The following POLD1 variants were observed in gnomAD, a reference collection of about 807,000 sequenced individuals.
The protein encoded by POLD1 is DNA polymerase delta 1, catalytic subunit, also known as DNA polymerase delta catalytic subunit.
Under a neutral mutation model 129.7 loss-of-function variants are expected in POLD1, and 79 were observed. That is an observed-to-expected ratio of 0.61 (90% CI 0.51 to 0.73). POLD1 has a LOEUF of 0.73. Ranked by LOEUF, POLD1 falls within the 30% of genes least tolerant of loss-of-function variation. The probability of loss-of-function intolerance (pLI) is 0.00; values close to 1 mark genes in which losing one functional copy is unlikely to be tolerated. For missense variants in POLD1, 1,338 were observed against 1,595.8 expected (o/e 0.84, Z 2.75); for synonymous variants, 714 against 683.3 (o/e 1.04, Z -0.70).
In POLD1 at chr19:50,413,846, C is replaced by T. The variant is rs1060504353; in HGVS notation, c.2355C>T (p.His785=). The T allele has an allele frequency of 6.2e-7, 1 of 1,609,922 alleles. No individual in the cohort carries two copies. The highest frequency in any genetic ancestry group is 8.5e-7 in the Non-Finnish European group (1 of 1,178,066). Residue 785 remains histidine, a synonymous_variant, in exon 19 of 27, where the codon CAC becomes CAT. Transcript: ENST00000440232. ...GREAADWVSG[H]FPSPIRLEFE... Reference sequence around the variant, plus strand: ...AGGCCGCGGACTGGGTGTCAGGTCACTTCCCGTCGCCCATCCGGCTGGAGT... The same window carrying T: ...AGGCCGCGGACTGGGTGTCAGGTCATTTCCCGTCGCCCATCCGGCTGGAGT...
chr19:50,385,572 A>G (rs948126196), intron 1 of POLD1, among the ~76,000 whole-genome samples: 6 of 134,510 alleles, frequency 4.5e-5, no homozygotes, highest in African/African-American at 1.7e-4. Context: ...TCTGTCACCC[A>G]GGCTGGAATG....
rs1432730545 is a variant in POLD1, at chr19:50,417,007, C to T, written c.3068-38C>T. ...AGGGATGGGGTGGCCCAGTTCCTGG[C>T]TGGGCCCCAGCACTTGGGCTGACCC... On this transcript the variant is annotated intron_variant, in intron 24 of 26. Transcript: ENST00000440232. 2.6e-6 allele frequency: 4 copies of T among 1,539,308 alleles called. No individual in the cohort carries two copies. In the Admixed American group the frequency reaches 6.0e-5, roughly 23 times the overall value.
chr19:50,398,886 G>A lies in POLD1; in HGVS notation c.35G>A (p.Gly12Glu), dbSNP rs1389018181. 1 of 1,607,432 alleles carries A rather than the reference G, an allele frequency of 6.2e-7. No homozygotes were observed. Among genetic ancestry groups the A allele is most frequent in the Non-Finnish European group, 8.5e-7 (1 of 1,178,310 alleles). ...AAGCGGCGGCCAGGCCCAGGGCCCG[G>A]GGTGCCCCCAAAGCGGGCCCGTGGG... ...DGKRRPGPGP[G>E]VPPKRARGGL... Residue 12 changes from glycine to glutamate, a missense_variant, in exon 2 of 27, where the codon GGG becomes GAG. Around this residue, in one of 3 missense-constraint regions of POLD1, gnomAD observed 332 missense variants for 315.7 expected, o/e 1.05. Transcript: ENST00000440232.
At chr19:50,413,543 C>CA in intron 18 of POLD1, 22 bp downstream of exon 18, 1 of 1,588,796 alleles carries the variant, frequency 6.3e-7, no homozygotes, top group Non-Finnish European at 8.6e-7. Flanking sequence ...CCCACCGCTG[C>CA]CCTGAGATGG....
rs1429970226 is a variant in POLD1 at position 50,407,120 on chromosome 19, C to G, written c.1632C>G (p.Ser544Arg). Residue 544 changes from serine (S) to arginine (R), a missense_variant, in exon 13 of 27, where the codon AGC (serine) becomes AGG (arginine). Transcript: ENST00000440232. ...CGAGGGTCACTGGCGTGCCCCTCAG[C>G]TACCTGCTCAGTCGTGGCCAGCAGG... is the stretch of plus-strand genomic sequence containing the variant. ...EMARVTGVPL[S>R]YLLSRGQQVK... 2 of 1,613,540 alleles carry G rather than the reference C, an allele frequency of 1.2e-6. No individual in the cohort carries two copies. The highest frequency in any genetic ancestry group is 2.2e-5 in the South Asian group (2 of 91,084).
At chr19:50,416,918 A>G in intron 24 of POLD1, 127 bp from the exon 25 acceptor site, 1 of 1,169,668 alleles carries the variant, frequency 8.5e-7, no homozygotes, top group Non-Finnish European at 1.2e-6. Context: ...GAGTTTTCCC[A>G]GCACACTTGC....
intron 18 of POLD1, 107 bp from the exon 19 acceptor site, chr19:50,413,635 G>T: frequency 6.5e-7 from 1 of 1,537,336 alleles, no homozygotes; most frequent in Non-Finnish European, 8.9e-7. Flanking sequence ...CCACTCTCCT[G>T]TTGCATCCTT....
rs1280814710 is a variant in POLD1 at position 50,406,784 on chromosome 19, T to C, written c.1495-199T>C. Among the ~76,000 whole-genome samples the C allele has an allele frequency of 1.3e-5, 2 of 151,746 alleles. No individual in the cohort carries two copies. The highest frequency in any genetic ancestry group is 4.8e-5 in the African/African-American group (2 of 41,258). Reference sequence around the variant, plus strand: ...TGGCCTTCAGGCTGCTCCCTCCTCCTCCCTCTGGCCCTGTGGACTCCCTGG... The same window carrying C: ...TGGCCTTCAGGCTGCTCCCTCCTCCCCCCTCTGGCCCTGTGGACTCCCTGG... On this transcript the variant is annotated intron_variant, in intron 12 of 26. Coordinates refer to ENST00000440232, the MANE Select transcript of POLD1 (RefSeq NM_002691.4). This position sits in a 1 kb window ranked among gnomAD's most constrained non-coding sequence, Gnocchi z 5.5.
rs746087148 is a variant in POLD1 at position 50,402,717 on chromosome 19, G to A, written c.946G>A (p.Asp316Asn). 1.3e-6 allele frequency: 2 copies of A among 1,596,166 alleles called. No homozygotes were observed. The highest frequency in any genetic ancestry group is 1.3e-5 in the African/African-American group (1 of 74,574). ...TGCGCCCTTGCGCGTGCTCAGCTTCGATATCGAGTGCGCCGGCCGCAAAGG... is the reference window on the plus strand; with the variant it reads ...TGCGCCCTTGCGCGTGCTCAGCTTCAATATCGAGTGCGCCGGCCGCAAAGG... ...RIAPLRVLSF[D>N]IECAGRKGIF... Residue 316 changes from aspartate (D) to asparagine (N), a missense_variant, in exon 8 of 27, where the codon GAT becomes AAT. Asp to Asn is a conservative substitution (Grantham distance 23, BLOSUM62 1). Around this residue, in one of 3 missense-constraint regions of POLD1, gnomAD observed 720 missense variants for 1,002.6 expected, o/e 0.72. Transcript: ENST00000440232.
At chr19:50,391,634 C>G (rs369176333) in intron 1 of POLD1, among the ~76,000 whole-genome samples, 1 of 142,670 alleles carries the variant, frequency 7.0e-6, no homozygotes, top group Non-Finnish European at 1.5e-5. Context: ...TGCCGTGAGC[C>G]GAGATGGCGG....
rs1007807839 is a variant in POLD1 at position 50,402,360 on chromosome 19, G to A, written c.745G>A (p.Asp249Asn). The A allele has an allele frequency of 3.7e-6, 6 of 1,611,072 alleles. No individual in the cohort carries two copies. Among genetic ancestry groups the A allele is most frequent in the African/African-American group, 1.3e-5 (1 of 74,888 alleles). The change falls in exon 6 of 27, where the codon GAC (aspartate) becomes AAC (asparagine). Residue 249 changes from aspartate to asparagine, a missense_variant. Asp to Asn is a conservative substitution (Grantham distance 23, BLOSUM62 1). Coordinates refer to ENST00000440232, the MANE Select transcript of POLD1 (RefSeq NM_002691.4). ...CTTCGCGCCCTACGAGGCCAACGTCGACTTTGAGATCCGGTACGGCCTCTG... is the reference window on the plus strand; with the variant it reads ...CTTCGCGCCCTACGAGGCCAACGTCAACTTTGAGATCCGGTACGGCCTCTG... ...PSFAPYEANV[D>N]FEIRFMVDTD...
intron 1 of POLD1, among the ~76,000 whole-genome samples, chr19:50,390,423 C>T (rs1262381107): frequency 2.0e-5 from 3 of 152,006 alleles, no homozygotes; most frequent in Non-Finnish European, 4.4e-5. Context: ...GTTTTATATT[C>T]TGGAGGCAAC....
intron 19 of POLD1, among the ~76,000 whole-genome samples, chr19:50,414,497 G>A (rs2039202820): frequency 6.6e-6 from 1 of 152,228 alleles, no homozygotes; most frequent in Admixed American, 6.5e-5. Context: ...GGCTCACCCA[G>A]CCGTAGTTTC....
At chr19:50,399,176 G>A in intron 2 of POLD1, 123 bp downstream of exon 2, 1 of 1,430,228 alleles carries the variant, frequency 7.0e-7, no homozygotes, top group Non-Finnish European at 9.6e-7. Context: ...ATCCTACAAA[G>A]GACTGCCCTT....
In POLD1 at chr19:50,399,192, C is replaced by T. The variant is rs1212637173; in HGVS notation, c.202+139C>T. Reference sequence around the variant, plus strand: ...TCCTACAAAGGACTGCCCTTCCACCCCGTGCAGCCTGTGTGGCCTACAGTG... The same window carrying T: ...TCCTACAAAGGACTGCCCTTCCACCTCGTGCAGCCTGTGTGGCCTACAGTG... On this transcript the variant is annotated intron_variant, in intron 2 of 26. Coordinates refer to ENST00000440232, the MANE Select transcript of POLD1 (RefSeq NM_002691.4). 3.0e-6 allele frequency: 4 copies of T among 1,343,376 alleles called. No individual in the cohort carries two copies. In the African/African-American group the frequency reaches 4.4e-5, roughly 15 times the overall value. The allele number at this position is 1,343,376 out of a possible 1,614,324, so 83.2% of individuals were successfully genotyped here.
Position 50,398,931 on chromosome 19 carries a change from A to G in POLD1, c.80A>G (p.Asp27Gly), listed in dbSNP as rs150066950. ...CGTGGGGGCCTCTGGGATGATGATG[A>G]TGCACCTCGGCCATCCCAATTCGAG... ...RARGGLWDDD[D>G]APRPSQFEED... The change falls in exon 2 of 27, where the codon GAT (aspartate) becomes GGT (glycine). Residue 27 changes from aspartate to glycine, a missense_variant. By Grantham distance (94) the Asp-to-Gly change is moderately conservative. Around this residue, in one of 3 missense-constraint regions of POLD1, gnomAD observed 332 missense variants for 315.7 expected, o/e 1.05. Transcript: ENST00000440232. The G allele has an allele frequency of 1.3e-6, 2 of 1,595,496 alleles. No individual in the cohort carries two copies. The highest frequency in any genetic ancestry group is 1.7e-6 in the Non-Finnish European group (2 of 1,172,392).
intron 26 of POLD1, 127 bp from the exon 27 acceptor site, chr19:50,417,693 GCCTGCTGAGCAAACAGCCCGCT>G: frequency 1.1e-5 from 1 of 86,962 alleles, no homozygotes; most frequent in Non-Finnish European, 2.7e-5. Context: ...CCCCCCCCGT[GCCTGCTGAGCAAACAGCCCGCT>G]GCGGGAGGGG....
At chr19:50,416,200 C>T (rs1463505280) in intron 22 of POLD1, 196 bp from the exon 23 acceptor site, 20 of 606,894 alleles carry the variant, frequency 3.3e-5, no homozygotes, top group Non-Finnish European at 4.1e-5. Context: ...CTGACCCTTC[C>T]GTGGTGACCT....
chr19:50,389,604 C>G (rs62113953), intron 1 of POLD1, among the ~76,000 whole-genome samples: 1 of 148,336 alleles, frequency 6.7e-6, no homozygotes, highest in Non-Finnish European at 1.5e-5. Flanking sequence ...TTTTTTTTTC[C>G]AAGACTGAGT....
Sources: allele counts gnomAD v4.1 joint callset (sites outside exome capture counted in the v4.1 genomes callset), GRCh38; gene constraint gnomAD v4.1.1; regional missense constraint gnomAD v4.1.1; non-coding constraint Gnocchi (gnomAD v3.1); transcripts MANE v1.5; gene names NCBI Gene and HGNC (gene_info 2026-07-23, HGNC 2026-07-21).